HOOK2: variants seen among roughly 807,000 people sequenced by gnomAD.
The protein encoded by HOOK2 is protein Hook homolog 2.
A neutral mutation model predicts 111.9 loss-of-function variants in HOOK2; 108 were observed. The ratio of observed to expected loss-of-function variants is 0.96; its 90% CI spans 0.83 to 1.13. The LOEUF (loss-of-function observed/expected upper bound fraction) is 1.13. Ranked by LOEUF, HOOK2 falls within the 50% of genes most tolerant of loss-of-function variation. The probability of loss-of-function intolerance (pLI) is 0.00; values close to 1 mark genes in which losing one functional copy is unlikely to be tolerated. For missense variants in HOOK2, 978 were observed against 951.3 expected (o/e 1.03, Z -0.37); for synonymous variants, 405 against 394.3 (o/e 1.03, Z -0.32).
At chr19:12,775,023 C>T (rs558250436) in intron 1 of HOOK2, 126 bp from the exon 2 acceptor site, 1 of 1,135,050 alleles carries the variant, frequency 8.8e-7, no homozygotes, top group East Asian at 2.6e-5. Context: ...GCCACAGCAG[C>T]TCTGCGAGGG....
chr19:12,771,528 G>C, intron 7 of HOOK2, 51 bp from the exon 8 acceptor site: 1 of 1,507,870 alleles, frequency 6.6e-7, no homozygotes, highest in Non-Finnish European at 9.1e-7. Flanking sequence ...GAAGGACGGG[G>C]GGAGGGAGGC....
intron 3 of HOOK2, among the ~76,000 whole-genome samples, chr19:12,789,075 G>A (rs548688516): frequency 6.6e-6 from 1 of 152,182 alleles, no homozygotes; most frequent in East Asian, 1.9e-4. Flanking sequence ...GATCTAGGCT[G>A]CCCCGGAATG....
In HOOK2 at chr19:12,773,019, C is replaced by T. The variant is rs771858249; in HGVS notation, c.230G>A (p.Arg77Gln). The T allele has an allele frequency of 4.0e-5, 65 of 1,613,986 alleles. No homozygotes were observed. Among genetic ancestry groups the T allele is most frequent in the Admixed American group, 1.7e-4 (10 of 59,986 alleles). The change falls in exon 4 of 23, where the codon CGG becomes CAG. Residue 77 changes from arginine to glutamine, a missense_variant. Coordinates refer to ENST00000397668, the MANE Select transcript of HOOK2 (RefSeq NM_013312.3). The part of the protein sequence containing the change: ...LKVSNLKMVL[R>Q]SLVEYSQDVL... ...ATCCTGGGAGTACTCTACTAGGCTC[C>T]GTAAGACCATCTTCAGATTGCTGAC... is the stretch of plus-strand genomic sequence containing the variant.
intron 14 of HOOK2, 50 bp downstream of exon 14, chr19:12,767,345 G>A: frequency 4.7e-6 from 7 of 1,504,480 alleles, no homozygotes; most frequent in Non-Finnish European, 5.6e-6. Context: ...GCTGAGGGCG[G>A]GCCTTGGCAA....
chr19:12,767,665 T>C, intron 13 of HOOK2, 151 bp downstream of exon 13: 1 of 843,374 alleles, frequency 1.2e-6, no homozygotes, highest in Non-Finnish European at 1.8e-6. Flanking sequence ...ACCCTGAGCC[T>C]CTCTCTTCAA....
chr19:12,764,784 G>A (rs1275593596), intron 20 of HOOK2, 30 bp downstream of exon 20: 6 of 1,592,882 alleles, frequency 3.8e-6, no homozygotes, highest in Non-Finnish European at 3.4e-6. Flanking sequence ...GCCAGGGCAG[G>A]CAACTTGTGG....
chr19:12,775,597 G>A (rs1440343832), upstream of HOOK2: 25 of 506,696 alleles, frequency 4.9e-5, no homozygotes, highest in African/African-American at 1.7e-3. Flanking sequence ...GCCCCGCCCC[G>A]CCCCCAAGCC....
At chr19:12,775,221 G>C in intron 1 of HOOK2, 184 bp downstream of exon 1, 1 of 985,360 alleles carries the variant, frequency 1.0e-6, no homozygotes, top group African/African-American at 1.7e-5. Context: ...GGCCTCACCT[G>C]TCCTTTCCAC....
chr19:12,775,749 C>G (rs1279255012), upstream of HOOK2: 2 of 323,016 alleles, frequency 6.2e-6, no homozygotes, highest in Non-Finnish European at 1.1e-5. Context: ...GAGGGTGGTC[C>G]CACCTCCCAT....
intron 3 of HOOK2, among the ~76,000 whole-genome samples, chr19:12,783,985 C>G (rs1195974302): frequency 6.6e-6 from 1 of 151,844 alleles, no homozygotes; most frequent in Non-Finnish European, 1.5e-5. Flanking sequence ...GCCCCCCACC[C>G]TCATTCCAGT....
rs370714892 is a variant in HOOK2, at chr19:12,768,123, C to A, written c.1105G>T (p.Val369Leu). 12 of 1,613,530 alleles carry A rather than the reference C, an allele frequency of 7.4e-6. No homozygotes were observed. Among genetic ancestry groups the A allele is most frequent in the Non-Finnish European group, 9.3e-6 (11 of 1,179,562 alleles). Residue 369 changes from valine to leucine, a missense_variant and splice_region_variant, in exon 12 of 23, where the codon GTG becomes TTG. By Grantham distance (32) the Val-to-Leu change is conservative. Transcript: ENST00000397668. ...RAQLEAQRRQ[V>L]QELQGQRQEE... is the part of the protein sequence containing the mutation. ...TGCCGCTGGCCCTGCAGTTCCTGCA[C>A]CTGAACACAGAGAGGGGAGGAATAA...
In HOOK2 at chr19:12,773,056, C is replaced by G. The variant is rs764867496; in HGVS notation, c.205-12G>C. ...TTCAGATTGCTGACCTAGGGAGGAA[C>G]AAGGAACTGTGGACAAGTTCAGAGG... On this transcript the variant is annotated splice_polypyrimidine_tract_variant and intron_variant, in intron 3 of 22. Transcript: ENST00000397668. 28 of 1,613,924 alleles carry G rather than the reference C, an allele frequency of 1.7e-5. No homozygotes were observed. In the South Asian group the frequency reaches 3.0e-4, roughly 17 times the overall value.
chr19:12,765,833 G>A lies in HOOK2; in HGVS notation c.1601C>T (p.Ala534Val). Residue 534 changes from alanine (A) to valine (V), a missense_variant and splice_region_variant, in exon 17 of 23, where the codon GCC becomes GTC. Coordinates refer to ENST00000397668, the MANE Select transcript of HOOK2 (RefSeq NM_013312.3). ...TCCTGGGCCCATGGTACTTACAATG[G>A]CCTGTATGGGGCATCGGGCAGCATG... Reference protein sequence around the residue: ...LQEQGGKTEDAISILLKRKLE... With the variant: ...LQEQGGKTEDVISILLKRKLE... 1 of 1,611,856 alleles carries A rather than the reference G, an allele frequency of 6.2e-7. No homozygotes were observed. The highest frequency in any genetic ancestry group is 8.5e-7 in the Non-Finnish European group (1 of 1,178,134).
chr19:12,775,531 G>A lies in HOOK2; in HGVS notation c.-82C>T. ...GGTCCGCCACCAGCGAGCGCCCGCA[G>A]CCCCGACCTCCCGCTCGGCCTAGAG... On this transcript the variant is annotated 5_prime_UTR_variant, in exon 1 of 23. Coordinates refer to ENST00000397668, the MANE Select transcript of HOOK2 (RefSeq NM_013312.3). The A allele has an allele frequency of 1.4e-6, 2 of 1,479,168 alleles. No individual in the cohort carries two copies. Among genetic ancestry groups the A allele is most frequent in the Non-Finnish European group, 9.1e-7 (1 of 1,100,696 alleles). The allele number at this position is 1,479,168 out of a possible 1,614,324, so 91.6% of individuals were successfully genotyped here. A position where few individuals can be genotyped will look rare whatever the true frequency, so the allele number is the denominator to read the frequency against.
Position 12,763,740 on chromosome 19 carries a change from C to A in HOOK2, c.1866G>T (p.Ala622=), listed in dbSNP as rs775514142. 6.2e-7 allele frequency: 1 copy of A among 1,614,142 alleles called. No homozygotes were observed. ...GGGAATGGAGTTCTGGAGGTGCCCC[C>A]GCAGCTGGCCGCTGCTTGGGTTCCA... ...QTMEPKQRPA[A]GAPPELHSLR... is the part of the protein sequence containing the mutation. Residue 622 remains alanine, a synonymous_variant, in exon 21 of 23, where the codon GCG becomes GCT. Transcript: ENST00000397668.
chr19:12,763,834 A>G (rs1968069407), intron 20 of HOOK2, 56 bp from the exon 21 acceptor site: 3 of 1,166,438 alleles, frequency 2.6e-6, no homozygotes, highest in Middle Eastern at 2.0e-4. Context: ...CCCCTGGGAC[A>G]TACTGGGGTG....
rs375672620 is a variant in HOOK2, at chr19:12,791,447, T to C, written n.42-17222A>G. 4.4e-6 allele frequency: 1 copy of C among 226,754 alleles called. No homozygotes were observed. The highest frequency in any genetic ancestry group is 2.3e-5 in the African/African-American group (1 of 44,006). 14.0% of individuals were successfully genotyped at this position (226,754 alleles called of 1,614,324 possible). A position where few individuals can be genotyped will look rare whatever the true frequency, so the allele number is the denominator to read the frequency against. ...ATCGGAGCGCACTTCCGTGGCTGAC[T>C]AGCGCGGTATAAAGGCGTGTGGCTC... On this transcript the variant is annotated intron_variant and non_coding_transcript_variant, in intron 3 of 3. Coordinates refer to the HOOK2 transcript ENST00000589765. The surrounding 1 kb of genome is among the most constrained non-coding windows in gnomAD (Gnocchi z 7.0).
chr19:12,764,767 G>A, intron 20 of HOOK2, 47 bp downstream of exon 20: 1 of 1,553,340 alleles, frequency 6.4e-7, no homozygotes, highest in African/African-American at 1.4e-5. Context: ...GGCACAAAAA[G>A]TAAGAAGCCA....
At chr19:12,780,717 G>C (rs1346730976), upstream of HOOK2, among the ~76,000 whole-genome samples, 1 of 104,170 alleles carries the variant, frequency 9.6e-6, no homozygotes, top group African/African-American at 3.7e-5. Flanking sequence ...GGTGGCTCAC[G>C]CCTGTAATCC....
Sources: allele counts gnomAD v4.1 joint callset (sites outside exome capture counted in the v4.1 genomes callset), GRCh38; gene constraint gnomAD v4.1.1; non-coding constraint Gnocchi (gnomAD v3.1); transcripts MANE v1.5; gene names NCBI Gene and HGNC (gene_info 2026-07-23, HGNC 2026-07-21).